Variants in SENP5 observed in about 807,000 individuals in gnomAD.
The protein encoded by SENP5 is SUMO specific peptidase 5.
A neutral mutation model predicts 74.2 loss-of-function variants in SENP5; 21 were observed. The ratio of observed to expected loss-of-function variants is 0.28; its 90% CI spans 0.20 to 0.41. SENP5 has a LOEUF of 0.41. Among genes scored for constraint, SENP5 ranks in the 10% least tolerant of loss-of-function variants. The pLI is 1.00. For synonymous variants in SENP5, 311 were observed against 312.7 expected, an observed-to-expected ratio of 0.99 and a Z score of 0.06; for missense variants, 717 against 889.1, an observed-to-expected ratio of 0.81 and a Z score of 2.46.
In SENP5 at chr3:196,876,504, C is replaced by T. The variant is rs78137034; in HGVS notation, c.-32+8431C>T. ...CTGCACTCCAGCCTGGGCGACAGAG[C>T]GAGATTCTGTCTCAAAAAAAAAAAA... On this transcript the variant is annotated intron_variant, in intron 1 of 9. Transcript: ENST00000323460. 1.3e-3 allele frequency among the ~76,000 whole-genome samples: 175 copies of T among 132,548 alleles called. 6 individuals are homozygous for T. In the East Asian group the frequency reaches 0.032, roughly 24 times the overall value. 87.0% of individuals were successfully genotyped at this position (132,548 alleles called of 152,430 possible). A position where few individuals can be genotyped will look rare whatever the true frequency, so the allele number is the denominator to read the frequency against.
intron 6 of SENP5, chr3:196,914,584 AAAATATATAT>A (rs1409378386): frequency 1.0e-4 from 6 of 59,408 alleles, no homozygotes; most frequent in African/African-American, 2.4e-4. Context: ...AAAAAAAAAA[AAAATATATAT>A]ATATATATAT....
In SENP5 at chr3:196,886,069, T is replaced by G; in HGVS notation, c.888T>G (p.Pro296=). The stretch of plus-strand genomic sequence containing the variant: ...GCAGCCCATTTCCTTCCCCAGAACC[T>G]AAAGACCCTTCTTGTCGGCATCAGC... ...GSCSPFPSPE[P]KDPSCRHQPY... Residue 296 remains proline, a synonymous_variant, in exon 2 of 10, where the codon CCT becomes CCG. Coordinates refer to ENST00000323460, the MANE Select transcript of SENP5 (RefSeq NM_152699.5). The G allele has an allele frequency of 6.2e-7, 1 of 1,614,214 alleles. No homozygotes were observed. The highest frequency in any genetic ancestry group is 8.5e-7 in the Non-Finnish European group (1 of 1,180,042).
chr3:196,885,501 C>T lies in SENP5; in HGVS notation c.320C>T (p.Ser107Phe). Reference sequence around the variant, plus strand: ...AAGGACGCTAAACACTTCATTTCCTCCTCAAAGACTCTCCTGAGACTCCAA... The same window carrying T: ...AAGGACGCTAAACACTTCATTTCCTTCTCAAAGACTCTCCTGAGACTCCAA... The part of the protein sequence containing the change: ...KRKDAKHFIS[S>F]SKTLLRLQAE... The change falls in exon 2 of 10, where the codon TCC (serine) becomes TTC (phenylalanine). Residue 107 changes from serine to phenylalanine, a missense_variant. Transcript: ENST00000323460. 1 of 1,614,142 alleles carries T rather than the reference C, an allele frequency of 6.2e-7. No homozygotes were observed. Among genetic ancestry groups the T allele is most frequent in the African/African-American group, 1.3e-5 (1 of 75,058 alleles).
intron 2 of SENP5, among the ~76,000 whole-genome samples, chr3:196,899,315 T>C (rs889296417): frequency 2.6e-5 from 4 of 152,166 alleles, no homozygotes; most frequent in Non-Finnish European, 2.9e-5. Context: ...CATTTGACTA[T>C]GTGATTAAGC....
In SENP5 at chr3:196,886,173, G is replaced by A. The variant is rs764845424; in HGVS notation, c.992G>A (p.Ser331Asn). 170 of 1,614,114 alleles carry A rather than the reference G, an allele frequency of 1.1e-4. No individual in the cohort carries two copies. Among genetic ancestry groups the A allele is most frequent in the Non-Finnish European group, 1.3e-4 (156 of 1,180,050 alleles). Residue 331 changes from serine (S) to asparagine (N), a missense_variant, in exon 2 of 10, where the codon AGC (serine) becomes AAC (asparagine). Ser to Asn is a conservative substitution (Grantham distance 46). This residue lies in a region of SENP5 where 567 missense variants were observed against 577.4 expected (regional missense o/e 0.98). Transcript: ENST00000323460. Reference sequence around the variant, plus strand: ...GTGCCTGATTGCCACACTAAAGGAAGCTCTTTCTTGGGCAAGGAGCTTAGT... The same window carrying A: ...GTGCCTGATTGCCACACTAAAGGAAACTCTTTCTTGGGCAAGGAGCTTAGT... ...SHVPDCHTKG[S>N]SFLGKELSLD...
At chr3:196,869,759 CAAAAAAAAA>C (rs58745670) in intron 1 of SENP5, among the ~76,000 whole-genome samples, 3 of 37,982 alleles carry the variant, frequency 7.9e-5, no homozygotes, top group Non-Finnish European at 1.3e-4. Flanking sequence ...AACTCCGTCT[CAAAAAAAAA>C]AAAAAAAAAA....
At position 196,930,672 on chromosome 3, in the gene SENP5, T is replaced by C. The variant is rs1716001846; in HGVS notation, c.2158-141T>C. 5 of 616,020 alleles carry C rather than the reference T, an allele frequency of 8.1e-6. No individual in the cohort carries two copies. The Admixed American group carries it at 1.4e-4, about 17-fold the overall frequency. The allele number at this position is 616,020 out of a possible 1,614,324, so 38.2% of individuals were successfully genotyped here. A position where few individuals can be genotyped will look rare whatever the true frequency, so the allele number is the denominator to read the frequency against. ...CCCCAAGTCTGTGGAAAAATTGCCTTACACGTAACCAGTCCCTGGTGCCAA... is the reference window on the plus strand; with the variant it reads ...CCCCAAGTCTGTGGAAAAATTGCCTCACACGTAACCAGTCCCTGGTGCCAA... On this transcript the variant is annotated intron_variant, in intron 9 of 9. Coordinates refer to ENST00000323460, the MANE Select transcript of SENP5 (RefSeq NM_152699.5).
chr3:196,916,471 A>G (rs967776179), intron 6 of SENP5, among the ~76,000 whole-genome samples: 1 of 152,314 alleles, frequency 6.6e-6, no homozygotes, highest in Admixed American at 6.5e-5. Flanking sequence ...AGAATTTCAA[A>G]ATAACACAGA....
chr3:196,915,277 A>C (rs1171699846), intron 6 of SENP5, among the ~76,000 whole-genome samples: 1 of 152,214 alleles, frequency 6.6e-6, no homozygotes, highest in Non-Finnish European at 1.5e-5. Context: ...TGCCACTCCC[A>C]CAACTTGAAG....
chr3:196,873,303 C>T (rs111376550), intron 1 of SENP5, among the ~76,000 whole-genome samples: 33,653 of 151,420 alleles, frequency 0.22, 3,841 homozygotes, highest in African/African-American at 0.28. Flanking sequence ...GAACTCCTGA[C>T]CTCAGGTGAT....
rs1160493408 is a variant in SENP5 at position 196,923,378 on chromosome 3, G to A, written c.1885-36G>A. On this transcript the variant is annotated intron_variant, in intron 6 of 9. Transcript: ENST00000323460. ...GTTTTTGGTGGTTTGGATAGCCTGTGGTGATGGCTGCATTTCTTTCTCTTT... is the reference window on the plus strand; with the variant it reads ...GTTTTTGGTGGTTTGGATAGCCTGTAGTGATGGCTGCATTTCTTTCTCTTT... 1.9e-6 allele frequency: 3 copies of A among 1,585,900 alleles called. No homozygotes were observed. In the African/African-American group the frequency reaches 4.1e-5, roughly 22 times the overall value.
At chr3:196,886,716 T>C in intron 2 of SENP5, 22 bp downstream of exon 2, 1 of 1,497,560 alleles carries the variant, frequency 6.7e-7, no homozygotes, top group Non-Finnish European at 8.9e-7. Flanking sequence ...TCCTTTATTC[T>C]CCCTCAAACT....
intron 1 of SENP5, among the ~76,000 whole-genome samples, chr3:196,871,561 G>C (rs1713216156): frequency 6.6e-6 from 1 of 151,886 alleles, no homozygotes; most frequent in African/African-American, 2.4e-5. Flanking sequence ...ACTTAATTTT[G>C]TAAAGATATA....
At chr3:196,875,929 C>T (rs1713445528) in intron 1 of SENP5, among the ~76,000 whole-genome samples, 1 of 152,016 alleles carries the variant, frequency 6.6e-6, no homozygotes, top group Admixed American at 6.6e-5. Flanking sequence ...CTGTGTTGCC[C>T]AGGCAGGTGA....
chr3:196,910,492 A>G (rs1715079225), intron 6 of SENP5, among the ~76,000 whole-genome samples: 1 of 151,622 alleles, frequency 6.6e-6, no homozygotes, highest in South Asian at 2.1e-4. Flanking sequence ...GACTACAGGC[A>G]TGCACCACCA....
At position 196,885,843 on chromosome 3, in the gene SENP5, A is replaced by G. The variant is rs751482982; in HGVS notation, c.662A>G (p.Gln221Arg). ...ATTCCAAAAAAGTTCCAACTTAACC[A>G]ACATAGAAGGATAAAATTATCTCCT... is the stretch of plus-strand genomic sequence containing the variant. ...PLIPKKFQLNQHRRIKLSPLM... is the reference protein window; with the variant it reads ...PLIPKKFQLNRHRRIKLSPLM... The change falls in exon 2 of 10, where the codon CAA becomes CGA. Residue 221 changes from glutamine (Q) to arginine (R), a missense_variant. Coordinates refer to ENST00000323460, the MANE Select transcript of SENP5 (RefSeq NM_152699.5). The G allele has an allele frequency of 6.2e-7, 1 of 1,614,030 alleles. No individual in the cohort carries two copies. Among genetic ancestry groups the G allele is most frequent in the African/African-American group, 1.3e-5 (1 of 74,942 alleles).
chr3:196,912,656 T>A (rs2108850303), intron 6 of SENP5: 1 of 152,314 alleles, frequency 6.6e-6, no homozygotes, highest in African/African-American at 2.4e-5. Flanking sequence ...GTTCTGCACA[T>A]GTATCCCGGA....
At chr3:196,904,573 A>G (rs1272597277) in intron 6 of SENP5, among the ~76,000 whole-genome samples, 1 of 152,140 alleles carries the variant, frequency 6.6e-6, no homozygotes, top group East Asian at 1.9e-4. Flanking sequence ...GGATCACTGA[A>G]GGTCAGGAGT....
At chr3:196,893,152 C>T (rs1714284466) in intron 2 of SENP5, among the ~76,000 whole-genome samples, 1 of 152,204 alleles carries the variant, frequency 6.6e-6, no homozygotes. Context: ...CACATTCCCA[C>T]CAACAGTGTA....
Sources: allele counts gnomAD v4.1 joint callset (sites outside exome capture counted in the v4.1 genomes callset), GRCh38; gene constraint gnomAD v4.1.1; regional missense constraint gnomAD v4.1.1; transcripts MANE v1.5; gene names NCBI Gene and HGNC (gene_info 2026-07-23, HGNC 2026-07-21).